The following GADL1 variants were observed in gnomAD, a reference collection of about 807,000 sequenced individuals.
GADL1 encodes the protein acidic amino acid decarboxylase GADL1.
Under a neutral mutation model 69.5 loss-of-function variants are expected in GADL1, and 71 were observed. The ratio of observed to expected loss-of-function variants is 1.02; its 90% CI spans 0.84 to 1.25. GADL1 has a LOEUF of 1.25. GADL1 is among the 50% of genes most tolerant of loss of function. GADL1 has a pLI of 0.00. For synonymous variants in GADL1, 254 were observed against 214.4 expected (o/e 1.18, Z -1.62); for missense variants, 737 against 631.8 (o/e 1.17, Z -1.79).
intron 12 of GADL1, among the ~76,000 whole-genome samples, chr3:30,797,522 T>C (rs1427882230): frequency 6.6e-6 from 1 of 152,170 alleles, no homozygotes; most frequent in East Asian, 1.9e-4. Context: ...ATACGTGTTA[T>C]TATCACTTTC....
chr3:30,812,155 C>A (rs150312780), intron 11 of GADL1, among the ~76,000 whole-genome samples: 1 of 152,172 alleles, frequency 6.6e-6, no homozygotes, highest in East Asian at 1.9e-4. Flanking sequence ...TCCGTGCAAC[C>A]CAAAGAGAAT....
intron 1 of GADL1, among the ~76,000 whole-genome samples, chr3:30,884,582 A>G (rs1698679943): frequency 6.6e-6 from 1 of 151,972 alleles, no homozygotes; most frequent in African/African-American, 2.4e-5. Context: ...CATATTTTCT[A>G]TCTGTGCTGT....
chr3:30,893,015 C>G (rs898759194), intron 1 of GADL1, among the ~76,000 whole-genome samples: 1 of 152,116 alleles, frequency 6.6e-6, no homozygotes, highest in Non-Finnish European at 1.5e-5. Context: ...CCAGCACGCC[C>G]GGCTAATTTT....
chr3:30,759,014 C>T, intron 14 of GADL1, among the ~76,000 whole-genome samples: 1 of 107,766 alleles, frequency 9.3e-6, no homozygotes, highest in East Asian at 2.5e-4. Flanking sequence ...CCAGACATAC[C>T]TGCACATAAT....
intron 1 of GADL1, among the ~76,000 whole-genome samples, chr3:30,870,476 G>T (rs555665015): frequency 9.2e-5 from 14 of 151,766 alleles, no homozygotes; most frequent in Non-Finnish European, 1.8e-4. Context: ...TGGAAATAGG[G>T]ACTGGGAGCA....
chr3:30,801,169 A>G, intron 11 of GADL1, 81 bp from the exon 12 acceptor site: 1 of 987,694 alleles, frequency 1.0e-6, no homozygotes, highest in South Asian at 1.4e-5. Flanking sequence ...TACACACACA[A>G]TGTGTATATT....
chr3:30,839,375 G>C lies in GADL1; in HGVS notation c.787-262C>G, dbSNP rs553569542. ...CTTCAGTATTATTCTCATGTTTTTT[G>C]TAATGTTTTGTTCTATCAATTGTCC... On this transcript the variant is annotated intron_variant, in intron 8 of 14. Coordinates refer to ENST00000282538, the MANE Select transcript of GADL1 (RefSeq NM_207359.3). Among the ~76,000 whole-genome samples, 32 of 151,810 alleles carry C rather than the reference G, an allele frequency of 2.1e-4. No individual in the cohort carries two copies. The South Asian group carries it at 6.2e-3, about 30-fold the overall frequency.
chr3:30,794,559 TCA>T (rs1696990272), intron 12 of GADL1, among the ~76,000 whole-genome samples: 1 of 152,200 alleles, frequency 6.6e-6, no homozygotes, highest in Admixed American at 6.6e-5. Context: ...CTTTAGGCTC[TCA>T]GTGTCACTGA....
intron 4 of GADL1, among the ~76,000 whole-genome samples, chr3:30,852,655 GTATT>G (rs1559361513): frequency 2.0e-5 from 3 of 147,208 alleles, no homozygotes; most frequent in South Asian, 2.2e-4. Context: ...AAAAAAAAAA[GTATT>G]TAGCCTGTCT....
chr3:30,751,659 C>T lies in GADL1; in HGVS notation c.1393-23244G>A, dbSNP rs570762351. 2.0e-5 allele frequency among the ~76,000 whole-genome samples: 3 copies of T among 152,246 alleles called. No homozygotes were observed. In the East Asian group the frequency reaches 5.8e-4, roughly 29 times the overall value. On this transcript the variant is annotated intron_variant, in intron 14 of 14. Transcript: ENST00000282538. The stretch of plus-strand genomic sequence containing the variant: ...TGAAACAGTTTGAGGAATTATCTCC[C>T]TATAAGCCCACCCCTTCATCTAGTC...
chr3:30,781,102 G>A (rs1053324492), intron 13 of GADL1, among the ~76,000 whole-genome samples: 2 of 152,046 alleles, frequency 1.3e-5, no homozygotes, highest in African/African-American at 2.4e-5. Flanking sequence ...CACAAAATTA[G>A]GAAGGTATTT....
At chr3:30,808,906 A>G (rs1697305486) in intron 11 of GADL1, among the ~76,000 whole-genome samples, 1 of 152,220 alleles carries the variant, frequency 6.6e-6, no homozygotes, top group African/African-American at 2.4e-5. Context: ...CCATCTTTGC[A>G]CTTATGTTCA....
At position 30,727,023 on chromosome 3, in the gene GADL1, C is replaced by G. The variant is rs1695376884; in HGVS notation, c.*1219G>C. The G allele has an allele frequency of 6.6e-6, 1 of 151,706 alleles. No individual in the cohort carries two copies. The highest frequency in any genetic ancestry group is 1.5e-5 in the Non-Finnish European group (1 of 67,912). 9.4% of individuals were successfully genotyped at this position (151,706 alleles called of 1,614,324 possible). On this transcript the variant is annotated 3_prime_UTR_variant, in exon 15 of 15. Coordinates refer to ENST00000282538, the MANE Select transcript of GADL1 (RefSeq NM_207359.3). ...CATTGTGTTTATTCCCTATGAGGCA[C>G]AGAGCAAGATAATAAACAAGCCCCT...
intron 11 of GADL1, among the ~76,000 whole-genome samples, chr3:30,813,423 C>T (rs988097912): frequency 2.0e-5 from 3 of 152,158 alleles, no homozygotes; most frequent in Non-Finnish European, 4.4e-5. Context: ...AAAACAGACA[C>T]AGAGTGAGTG....
intron 14 of GADL1, among the ~76,000 whole-genome samples, chr3:30,742,892 A>C (rs1258184635): frequency 6.6e-6 from 1 of 152,034 alleles, no homozygotes; most frequent in Non-Finnish European, 1.5e-5. Flanking sequence ...TTACTTGTTC[A>C]GAGATAGGAA....
chr3:30,839,272 G>A (rs1015216566), intron 8 of GADL1, among the ~76,000 whole-genome samples, 159 bp from the exon 9 acceptor site: 1 of 151,872 alleles, frequency 6.6e-6, no homozygotes, highest in African/African-American at 2.4e-5. Context: ...GTGAATATGT[G>A]GCCTCTTGGC....
At chr3:30,766,592 G>GGT (rs1267398838) in intron 14 of GADL1, among the ~76,000 whole-genome samples, 1 of 152,040 alleles carries the variant, frequency 6.6e-6, no homozygotes, top group Non-Finnish European at 1.5e-5. Flanking sequence ...GGTATGGAGT[G>GGT]GTAATGTACT....
chr3:30,847,962 G>A (rs1280619204), intron 6 of GADL1, among the ~76,000 whole-genome samples: 1 of 152,082 alleles, frequency 6.6e-6, no homozygotes, highest in Non-Finnish European at 1.5e-5. Context: ...ACTCCAGCAA[G>A]CTTTAAACCA....
intron 11 of GADL1, among the ~76,000 whole-genome samples, chr3:30,806,201 T>C (rs1697252919): frequency 6.6e-6 from 1 of 152,136 alleles, no homozygotes. Context: ...TATGTCACCA[T>C]ATTTACATGC....
Sources: gnomAD v4.1 joint callset for allele counts (sites outside exome capture counted in the v4.1 genomes callset) on GRCh38, gnomAD v4.1.1 for gene constraint, MANE v1.5 for transcripts, NCBI Gene and HGNC (gene_info 2026-07-23, HGNC 2026-07-21) for gene names.